CCBE1: variants seen among roughly 807,000 people sequenced by gnomAD.
CCBE1 encodes the protein collagen and calcium binding EGF domains 1.
Under a neutral mutation model 50.0 loss-of-function variants are expected in CCBE1, and 37 were observed. That is an observed-to-expected ratio of 0.74 (90% CI 0.57 to 0.97). The LOEUF is 0.97. CCBE1 is among the 50% of genes least tolerant of loss of function. The pLI, the probability that CCBE1 is intolerant of heterozygous loss-of-function variation, is 0.00. For synonymous variants in CCBE1, 234 were observed against 203.7 expected, an observed-to-expected ratio of 1.15 and a Z score of -1.27; for missense variants, 538 against 523.8, an observed-to-expected ratio of 1.03 and a Z score of -0.26.
chr18:59,451,868 C>T (rs973888727), intron 6 of CCBE1, among the ~76,000 whole-genome samples: 3 of 152,102 alleles, frequency 2.0e-5, no homozygotes, highest in African/African-American at 7.2e-5. Flanking sequence ...CAGAACTTTG[C>T]CAGCCACCCC....
At chr18:59,460,873 T>C (rs1490335156) in intron 5 of CCBE1, among the ~76,000 whole-genome samples, 4 of 151,752 alleles carry the variant, frequency 2.6e-5, no homozygotes, top group Non-Finnish European at 2.9e-5. Context: ...AGGCAGAGGT[T>C]GCAGTGAGCG....
chr18:59,639,997 A>T (rs2053964986), intron 2 of CCBE1, among the ~76,000 whole-genome samples: 1 of 152,208 alleles, frequency 6.6e-6, no homozygotes, highest in South Asian at 2.1e-4. Flanking sequence ...AGATGACTCA[A>T]ACAGATGGAA....
chr18:59,637,875 G>A (rs1219525558), intron 2 of CCBE1, among the ~76,000 whole-genome samples: 1 of 152,070 alleles, frequency 6.6e-6, no homozygotes, highest in Non-Finnish European at 1.5e-5. Context: ...AACCAGGCCT[G>A]GATCACTTCC....
intron 2 of CCBE1, among the ~76,000 whole-genome samples, chr18:59,656,736 G>T (rs1436536555): frequency 2.6e-5 from 4 of 152,226 alleles, no homozygotes; most frequent in African/African-American, 9.7e-5. Context: ...TGTCTAAAGA[G>T]CAAATGCTAA....
intron 2 of CCBE1, among the ~76,000 whole-genome samples, chr18:59,577,330 C>T (rs1269804354): frequency 6.6e-6 from 1 of 152,158 alleles, no homozygotes; most frequent in African/African-American, 2.4e-5. Flanking sequence ...TTGGTTTTCT[C>T]TCCAACAAAA....
chr18:59,583,714 T>C (rs868021938), intron 2 of CCBE1, among the ~76,000 whole-genome samples: 7 of 151,940 alleles, frequency 4.6e-5, no homozygotes, highest in Admixed American at 4.6e-4. Flanking sequence ...TGTGTGTATG[T>C]CTGCGACTAC....
At chr18:59,614,356 C>T (rs1599064899) in intron 2 of CCBE1, among the ~76,000 whole-genome samples, 1 of 152,122 alleles carries the variant, frequency 6.6e-6, no homozygotes, top group Admixed American at 6.5e-5. Context: ...AACAGATGTA[C>T]CCAGAAAGGT....
intron 2 of CCBE1, among the ~76,000 whole-genome samples, chr18:59,580,367 T>C (rs2053065274): frequency 6.6e-6 from 1 of 152,216 alleles, no homozygotes; most frequent in African/African-American, 2.4e-5. Context: ...CGAAACAATG[T>C]TCATGTTGCA....
chr18:59,440,957 T>C (rs1910393755), intron 7 of CCBE1, among the ~76,000 whole-genome samples: 1 of 152,172 alleles, frequency 6.6e-6, no homozygotes. Flanking sequence ...AATCCACTGG[T>C]AACCTAGGCC....
rs527841693 is a variant in CCBE1, at chr18:59,612,837, TTTTTGTTTTTG to T, written c.212+83781_212+83791del. On this transcript the variant is annotated intron_variant, in intron 2 of 10. Transcript: ENST00000439986. ...AGGGTTTTTTTTTTGTTTTTTTTTG[TTTTTGTTTTTG>T]TTTTTTTTAATGTCTGTTAGATGGC... Among the ~76,000 whole-genome samples the T allele has an allele frequency of 4.9e-4, 33 of 66,730 alleles. 1 individual carries two copies. The highest frequency in any genetic ancestry group is 1.6e-3 in the African/African-American group (33 of 20,564). 43.8% of individuals were successfully genotyped at this position (66,730 alleles called of 152,430 possible). A position where few individuals can be genotyped will look rare whatever the true frequency, so the allele number is the denominator to read the frequency against.
chr18:59,609,093 G>A (rs907698104), intron 2 of CCBE1, among the ~76,000 whole-genome samples: 7 of 152,070 alleles, frequency 4.6e-5, no homozygotes, highest in African/African-American at 9.7e-5. Flanking sequence ...CTCTATCTTC[G>A]AGACAGCACT....
rs546220561 is a variant in CCBE1, at chr18:59,464,632, C to T, written c.553+2107G>A. Among the ~76,000 whole-genome samples, 122 of 152,358 alleles carry T rather than the reference C, an allele frequency of 8.0e-4. 1 individual carries two copies. Among genetic ancestry groups the T allele is most frequent in the African/African-American group, 2.5e-3 (105 of 41,580 alleles). On this transcript the variant is annotated intron_variant, in intron 5 of 10. Coordinates refer to ENST00000439986, the MANE Select transcript of CCBE1 (RefSeq NM_133459.4). ...AAATCGCCCAATCCTAAACTGGTTC[C>T]AAAGACTTATTTTGCATTTACTTCC...
intron 6 of CCBE1, among the ~76,000 whole-genome samples, chr18:59,454,595 T>C (rs756775770): frequency 2.0e-5 from 3 of 152,204 alleles, no homozygotes; most frequent in African/African-American, 4.8e-5. Flanking sequence ...ACCCTATCTA[T>C]GGCTTTGCCA....
chr18:59,527,021 G>T (rs1435525464), intron 2 of CCBE1, among the ~76,000 whole-genome samples: 1 of 152,134 alleles, frequency 6.6e-6, no homozygotes, highest in Non-Finnish European at 1.5e-5. Context: ...CTATCTAATA[G>T]GCTCACTTGA....
intron 2 of CCBE1, among the ~76,000 whole-genome samples, chr18:59,497,658 C>T (rs1206316119): frequency 2.0e-5 from 3 of 152,160 alleles, no homozygotes; most frequent in Non-Finnish European, 4.4e-5. Flanking sequence ...AACACCAGTG[C>T]TTTATTAACT....
chr18:59,660,872 A>G (rs1368547793), intron 2 of CCBE1, among the ~76,000 whole-genome samples: 3 of 152,214 alleles, frequency 2.0e-5, no homozygotes, highest in African/African-American at 7.2e-5. Context: ...CATATTTACA[A>G]ATGTCCCTTT....
intron 2 of CCBE1, among the ~76,000 whole-genome samples, chr18:59,635,151 C>T (rs78283683): frequency 1.1e-3 from 165 of 152,314 alleles, no homozygotes; most frequent in African/African-American, 3.1e-3. Flanking sequence ...AAAGCAACGA[C>T]GTTTTGATAT....
At position 59,636,362 on chromosome 18, in the gene CCBE1, C is replaced by T. The variant is rs551540229; in HGVS notation, c.212+60267G>A. Among the ~76,000 whole-genome samples the T allele has an allele frequency of 2.6e-5, 4 of 152,276 alleles. No homozygotes were observed. In the East Asian group the frequency reaches 5.8e-4, roughly 22 times the overall value. On this transcript the variant is annotated intron_variant, in intron 2 of 10. Coordinates refer to ENST00000439986, the MANE Select transcript of CCBE1 (RefSeq NM_133459.4). ...TAGAAAAGAGGCGAACATTTTTAAC[C>T]GTAGACCCTGCCTCAAATAGGTCTA... is the stretch of plus-strand genomic sequence containing the variant.
chr18:59,686,426 C>T (rs1323618607), intron 2 of CCBE1, among the ~76,000 whole-genome samples: 1 of 152,220 alleles, frequency 6.6e-6, no homozygotes, highest in Non-Finnish European at 1.5e-5. Context: ...AGTCAGACTG[C>T]CTGGCTTTGA....
Sources: gnomAD v4.1 joint callset for allele counts (sites outside exome capture counted in the v4.1 genomes callset) on GRCh38, gnomAD v4.1.1 for gene constraint, MANE v1.5 for transcripts, NCBI Gene and HGNC (gene_info 2026-07-23, HGNC 2026-07-21) for gene names.